NAALADL2: variants seen among roughly 807,000 people sequenced by gnomAD.
NAALADL2 encodes N-acetylated alpha-linked acidic dipeptidase like 2.
Under a neutral mutation model 87.2 loss-of-function variants are expected in NAALADL2, and 76 were observed. That is an observed-to-expected ratio of 0.87 (90% CI 0.72 to 1.05). The LOEUF (loss-of-function observed/expected upper bound fraction) is 1.05, where lower values mean the gene tolerates loss of function less well. Among genes scored for constraint, NAALADL2 ranks in the 50% least tolerant of loss-of-function variants. The probability of loss-of-function intolerance (pLI) is 0.00; values close to 1 mark genes in which losing one functional copy is unlikely to be tolerated. For missense variants in NAALADL2, 1,089 were observed against 945.8 expected, an observed-to-expected ratio of 1.15 and a Z score of -1.99; for synonymous variants, 354 against 331.0, an observed-to-expected ratio of 1.07 and a Z score of -0.75.
rs138324053 is a variant in NAALADL2 at position 175,464,611 on chromosome 3, G to A, written c.1327+1118G>A. On this transcript the variant is annotated intron_variant, in intron 7 of 13. Coordinates refer to ENST00000454872, the MANE Select transcript of NAALADL2 (RefSeq NM_207015.3). ...CTTCTGTTGATTTTGGGACATTTAC[G>A]CAAGTTCTCCCTGGAGAATTATTCT... 5.7e-3 allele frequency among the ~76,000 whole-genome samples: 872 copies of A among 152,038 alleles called. 7 individuals are homozygous for A. The highest frequency in any genetic ancestry group is 0.02 in the African/African-American group (839 of 41,462).
intron 2 of NAALADL2, among the ~76,000 whole-genome samples, chr3:175,174,698 AT>A (rs1464857866): frequency 6.6e-5 from 10 of 152,066 alleles, no homozygotes; most frequent in African/African-American, 2.4e-4. Context: ...GATTCTGATA[AT>A]AGATCAATAG....
intron 1 of NAALADL2, among the ~76,000 whole-genome samples, chr3:174,914,430 A>T (rs1002527725): frequency 1.3e-5 from 2 of 152,168 alleles, no homozygotes; most frequent in African/African-American, 4.8e-5. Context: ...TATGGGGTAC[A>T]GAGGGTATGG....
chr3:174,503,936 G>T (rs1719052432), intron 1 of NAALADL2, among the ~76,000 whole-genome samples: 3 of 151,916 alleles, frequency 2.0e-5, no homozygotes. Flanking sequence ...ATTTTTACCA[G>T]TTGTTTTTAA....
At position 175,600,525 on chromosome 3, in the gene NAALADL2, C is replaced by CTTTTTTTTTTTTTT. The variant is rs869212429; in HGVS notation, c.1800+24355_1800+24368dup. Among the ~76,000 whole-genome samples the CTTTTTTTTTTTTTT allele has an allele frequency of 2.9e-4, 18 of 61,068 alleles. 6 individuals are homozygous for CTTTTTTTTTTTTTT. The highest frequency in any genetic ancestry group is 1.6e-3 in the South Asian group (2 of 1,264). 40.1% of individuals were successfully genotyped at this position (61,068 alleles called of 152,430 possible). ...TTTTGTCCCACAAATGTGTCTTAGT[C>CTTTTTTTTTTTTTT]TTTTTTTTTTTTTTTTTTTTTTTTT... On this transcript the variant is annotated intron_variant, in intron 10 of 13. Coordinates refer to ENST00000454872, the MANE Select transcript of NAALADL2 (RefSeq NM_207015.3).
At chr3:175,047,534 A>G (rs1312486486) in intron 1 of NAALADL2, among the ~76,000 whole-genome samples, 3 of 152,186 alleles carry the variant, frequency 2.0e-5, no homozygotes, top group African/African-American at 4.8e-5. Context: ...TGTATTTTAA[A>G]AGTTGTAACA....
intron 5 of NAALADL2, among the ~76,000 whole-genome samples, chr3:175,340,656 G>T (rs1462860812): frequency 6.6e-6 from 1 of 152,120 alleles, no homozygotes; most frequent in East Asian, 1.9e-4. Flanking sequence ...GCAAGCCCCT[G>T]CCACAGTTAA....
At chr3:174,705,157 C>A (rs1056009321) in intron 2 of NAALADL2, among the ~76,000 whole-genome samples, 2 of 152,110 alleles carry the variant, frequency 1.3e-5, no homozygotes, top group African/African-American at 4.8e-5. Context: ...GGCACACTCA[C>A]ACACACACCC....
At chr3:174,888,259 A>G (rs911205936) in intron 1 of NAALADL2, among the ~76,000 whole-genome samples, 6 of 152,220 alleles carry the variant, frequency 3.9e-5, no homozygotes, top group African/African-American at 1.4e-4. Flanking sequence ...GTGGCCATAC[A>G]ACAGAGGGTT....
intron 2 of NAALADL2, among the ~76,000 whole-genome samples, chr3:175,192,430 T>C (rs1349598558): frequency 6.6e-6 from 1 of 152,058 alleles, no homozygotes; most frequent in Admixed American, 6.5e-5. Context: ...TCGTATTAGT[T>C]TCATAGAAGG....
intron 4 of NAALADL2, among the ~76,000 whole-genome samples, chr3:175,289,655 G>T (rs1037666670): frequency 2.6e-5 from 4 of 151,878 alleles, no homozygotes; most frequent in Middle Eastern, 3.2e-3. Context: ...CTCTTAAAAT[G>T]ACAACATTAA....
intron 2 of NAALADL2, among the ~76,000 whole-genome samples, chr3:175,127,700 T>C (rs1191688681): frequency 6.6e-6 from 1 of 152,136 alleles, no homozygotes; most frequent in African/African-American, 2.4e-5. Flanking sequence ...CTATTTACTG[T>C]TCATACTGTT....
intron 5 of NAALADL2, among the ~76,000 whole-genome samples, chr3:175,398,042 A>C (rs372179728): frequency 4.6e-5 from 7 of 152,294 alleles, no homozygotes; most frequent in African/African-American, 1.7e-4. Flanking sequence ...CAAACAAAAA[A>C]AACTAATGAA....
intron 10 of NAALADL2, among the ~76,000 whole-genome samples, chr3:175,625,493 G>A (rs1445895225): frequency 6.6e-6 from 1 of 152,016 alleles, no homozygotes; most frequent in Non-Finnish European, 1.5e-5. Context: ...TAAGCAAGGA[G>A]TTTTTGATGA....
At chr3:175,726,817 A>G (rs1184320817) in intron 11 of NAALADL2, among the ~76,000 whole-genome samples, 1 of 152,094 alleles carries the variant, frequency 6.6e-6, no homozygotes, top group South Asian at 2.1e-4. Context: ...CTAGAGAGGA[A>G]ATGGGGCTTT....
intron 1 of NAALADL2, among the ~76,000 whole-genome samples, chr3:174,903,889 T>G (rs890281138): frequency 6.6e-6 from 1 of 151,758 alleles, no homozygotes; most frequent in African/African-American, 2.4e-5. Context: ...TAAATATGTT[T>G]TGGTGTGTGT....
chr3:174,694,585 A>G (rs568813708), intron 2 of NAALADL2, among the ~76,000 whole-genome samples: 1 of 152,160 alleles, frequency 6.6e-6, no homozygotes, highest in East Asian at 1.9e-4. Context: ...AAATGAAGAA[A>G]AGATTCTAGG....
chr3:175,695,472 T>C (rs1737646402), intron 11 of NAALADL2, among the ~76,000 whole-genome samples: 1 of 152,194 alleles, frequency 6.6e-6, no homozygotes, highest in African/African-American at 2.4e-5. Context: ...GTTGTAGTAA[T>C]GTTCATAGTG....
In NAALADL2 at chr3:174,952,937, A is replaced by G. The variant is rs116637825; in HGVS notation, c.43+93487A>G. ...TCAGTAGTGTCCCAGTGAGGATGGT[A>G]GATTATACATCATATTAGAAATGAG... is the stretch of plus-strand genomic sequence containing the variant. On this transcript the variant is annotated intron_variant, in intron 1 of 13. Coordinates refer to ENST00000454872, the MANE Select transcript of NAALADL2 (RefSeq NM_207015.3). Among the ~76,000 whole-genome samples the G allele has an allele frequency of 5.8e-3, 885 of 152,170 alleles. 11 individuals are homozygous for G. The highest frequency in any genetic ancestry group is 0.02 in the African/African-American group (842 of 41,528).
At chr3:175,802,622 T>C (rs1754308450) in intron 13 of NAALADL2, among the ~76,000 whole-genome samples, 1 of 149,850 alleles carries the variant, frequency 6.7e-6, no homozygotes, top group African/African-American at 2.5e-5. Context: ...TCCACATCTA[T>C]ATTTTGCTAA....
Sources: allele counts gnomAD v4.1 joint callset (sites outside exome capture counted in the v4.1 genomes callset), GRCh38; gene constraint gnomAD v4.1.1; transcripts MANE v1.5; gene names NCBI Gene and HGNC (gene_info 2026-07-23, HGNC 2026-07-21).